Variants in BBS10 observed in about 807,000 individuals in gnomAD.
The protein encoded by BBS10 is BBSome complex assembly protein BBS10.
Under a neutral mutation model 12.7 loss-of-function variants are expected in BBS10, and 13 were observed. That is an observed-to-expected ratio of 1.03 (90% CI 0.67 to 1.63). BBS10 has a LOEUF of 1.63. Ranked by LOEUF, BBS10 falls within the 40% of genes most tolerant of loss-of-function variation. The pLI is 0.00. For missense variants in BBS10, 858 were observed against 858.0 expected, an observed-to-expected ratio of 1.00 and a Z score of 0.00; for synonymous variants, 294 against 304.8, an observed-to-expected ratio of 0.96 and a Z score of 0.37.
rs745374133 is a variant in BBS10 at position 76,347,676 on chromosome 12, T to A, written c.309A>T (p.Arg103Ser). The change falls in exon 2 of 2, where the codon AGA becomes AGT. Residue 103 changes from arginine to serine, a missense_variant. Transcript: ENST00000650064. ...LLRGLHAITD[R>S]EKDPLMCENI... ...TTTCACACATCAAAGGATCCTTTTCTCTGTCTGTGATTGCATGAAGTCCTC... is the reference window on the plus strand; with the variant it reads ...TTTCACACATCAAAGGATCCTTTTCACTGTCTGTGATTGCATGAAGTCCTC... 12 of 1,613,496 alleles carry A rather than the reference T, an allele frequency of 7.4e-6. No individual in the cohort carries two copies. In the South Asian group the frequency reaches 1.2e-4, roughly 16 times the overall value.
In BBS10 at chr12:76,348,046, A is replaced by T. The variant is rs1052435092; in HGVS notation, c.197+116T>A. 61 of 1,225,512 alleles carry T rather than the reference A, an allele frequency of 5.0e-5. 1 individual carries two copies. The highest frequency in any genetic ancestry group is 6.7e-5 in the Non-Finnish European group (59 of 874,624). 75.9% of individuals were successfully genotyped at this position (1,225,512 alleles called of 1,614,324 possible). On this transcript the variant is annotated intron_variant, in intron 1 of 1. Transcript: ENST00000650064. The stretch of plus-strand genomic sequence containing the variant: ...GGCAGGGCTCTAATTCCGAGCATAC[A>T]GCGGTTTCACCCGAGGTCAGTCTTT...
chr12:76,347,010 C>T lies in BBS10; in HGVS notation c.975G>A (p.Val325=), dbSNP rs1951764446. ...AACACTCAACCACTGATATGCCATTCACCCCTGCATAATAACTAACTAAAT... is the reference window on the plus strand; with the variant it reads ...AACACTCAACCACTGATATGCCATTTACCCCTGCATAATAACTAACTAAAT... ...QPDLVSYYAG[V]NGISVVECLS... Residue 325 remains valine, a synonymous_variant, in exon 2 of 2, where the codon GTG becomes GTA. Coordinates refer to ENST00000650064, the MANE Select transcript of BBS10 (RefSeq NM_024685.4). The T allele has an allele frequency of 1.2e-6, 2 of 1,612,340 alleles. No homozygotes were observed. Among genetic ancestry groups the T allele is most frequent in the African/African-American group, 1.3e-5 (1 of 75,042 alleles).
In BBS10 at chr12:76,348,402, G is replaced by A; in HGVS notation, c.-44C>T. ...TTTTGACCAGCTTGCAGAACACCCG[G>A]GCCGACCGAAAACAGGGGTGGGAAC... On this transcript the variant is annotated 5_prime_UTR_variant, in exon 1 of 2. Transcript: ENST00000650064. The A allele has an allele frequency of 2.6e-6, 4 of 1,544,872 alleles. No homozygotes were observed. The highest frequency in any genetic ancestry group is 3.5e-6 in the Non-Finnish European group (4 of 1,147,026).
rs1316090880 is a variant in BBS10, at chr12:76,347,332, A to T, written c.653T>A (p.Phe218Tyr). The T allele has an allele frequency of 6.2e-7, 1 of 1,613,942 alleles. No homozygotes were observed. The highest frequency in any genetic ancestry group is 2.2e-5 in the East Asian group (1 of 44,884). The change falls in exon 2 of 2, where the codon TTT becomes TAT. Residue 218 changes from phenylalanine (F) to tyrosine (Y), a missense_variant. Transcript: ENST00000650064. ...IGVFELVDDH[F>Y]VELNVGVTGL... is the part of the protein sequence containing the mutation. The stretch of plus-strand genomic sequence containing the variant: ...AGTGACACCAACATTCAACTCTACA[A>T]AATGGTCATCCACTAACTCAAATAC...
rs775090151 is a variant in BBS10 at position 76,347,192 on chromosome 12, G to C, written c.793C>G (p.Gln265Glu). 1.9e-6 allele frequency: 3 copies of C among 1,611,138 alleles called. No homozygotes were observed. The South Asian group carries it at 3.3e-5, about 18-fold the overall frequency. Reference protein sequence around the residue: ...MRMVIVTETIQPLFSTSGSEF... With the variant: ...MRMVIVTETIEPLFSTSGSEF... ...GATCCAGAAGTGGAAAAAAGAGGCT[G>C]AATGGTTTCTGTTACTATCACCATT... The change falls in exon 2 of 2, where the codon CAG becomes GAG. Residue 265 changes from glutamine to glutamate, a missense_variant. By Grantham distance (29) the Gln-to-Glu change is conservative. Transcript: ENST00000650064.
Position 76,348,305 on chromosome 12 carries a change from G to T in BBS10, c.54C>A (p.Ala18=), listed in dbSNP as rs772653493. 2 of 1,611,104 alleles carry T rather than the reference G, an allele frequency of 1.2e-6. No homozygotes were observed. Among genetic ancestry groups the T allele is most frequent in the Non-Finnish European group, 1.7e-6 (2 of 1,178,694 alleles). Residue 18 remains alanine, a synonymous_variant, in exon 1 of 2, where the codon GCC becomes GCA. Coordinates refer to ENST00000650064, the MANE Select transcript of BBS10 (RefSeq NM_024685.4). ...AGSVKAALQV[A]EVLEAIVSCC... is the part of the protein sequence containing the mutation. ...AGCTCACGATGGCTTCCAGCACCTC[G>T]GCCACCTGCAACGCCGCCTTCACAG...
chr12:76,347,525 A>T lies in BBS10; in HGVS notation c.460T>A (p.Leu154Met). 6.2e-7 allele frequency: 1 copy of T among 1,613,844 alleles called. No homozygotes were observed. Among genetic ancestry groups the T allele is most frequent in the Non-Finnish European group, 8.5e-7 (1 of 1,180,016 alleles). Reference sequence around the variant, plus strand: ...TCTTTAGCAGACGAAAAGATAGACAAAAAGTGTCTACTTAGGTACTGGTCC... The same window carrying T: ...TCTTTAGCAGACGAAAAGATAGACATAAAGTGTCTACTTAGGTACTGGTCC... The part of the protein sequence containing the change: ...IMDQYLSRHF[L>M]SIFSSAKERT... Residue 154 changes from leucine (L) to methionine (M), a missense_variant, in exon 2 of 2, where the codon TTG (leucine) becomes ATG (methionine). Leu to Met is a conservative substitution (Grantham distance 15, BLOSUM62 2). Coordinates refer to ENST00000650064, the MANE Select transcript of BBS10 (RefSeq NM_024685.4).
chr12:76,344,591 T>A lies in BBS10; in HGVS notation c.*1222A>T, dbSNP rs1387898775. 3 of 152,190 alleles carry A rather than the reference T, an allele frequency of 2.0e-5. No individual in the cohort carries two copies. Among genetic ancestry groups the A allele is most frequent in the Non-Finnish European group, 4.4e-5 (3 of 68,018 alleles). 9.4% of individuals were successfully genotyped at this position (152,190 alleles called of 1,614,324 possible). A position where few individuals can be genotyped will look rare whatever the true frequency, so the allele number is the denominator to read the frequency against. ...AGCATAAATGTTTAAAAAATCAGAATTACATTTAATATAAAAAATTTTGAT... is the reference window on the plus strand; with the variant it reads ...AGCATAAATGTTTAAAAAATCAGAAATACATTTAATATAAAAAATTTTGAT... On this transcript the variant is annotated 3_prime_UTR_variant, in exon 2 of 2. Coordinates refer to ENST00000650064, the MANE Select transcript of BBS10 (RefSeq NM_024685.4).
In BBS10 at chr12:76,344,949, CAG is replaced by C. The variant is rs1434131354; in HGVS notation, c.*862_*863del. On this transcript the variant is annotated 3_prime_UTR_variant, in exon 2 of 2. Coordinates refer to ENST00000650064, the MANE Select transcript of BBS10 (RefSeq NM_024685.4). ...TTAGAAATAAAAATTAAAAATAAAA[CAG>C]AAATAAACATTAGAAATAAAAATTG... 2.0e-5 allele frequency: 3 copies of C among 152,000 alleles called. No homozygotes were observed. The highest frequency in any genetic ancestry group is 4.4e-5 in the Non-Finnish European group (3 of 67,944). 9.4% of individuals were successfully genotyped at this position (152,000 alleles called of 1,614,324 possible).
In BBS10 at chr12:76,346,960, A is replaced by C; in HGVS notation, c.1025T>G (p.Ile342Ser). 2 of 1,611,028 alleles carry C rather than the reference A, an allele frequency of 1.2e-6. No individual in the cohort carries two copies. Among genetic ancestry groups the C allele is most frequent in the Non-Finnish European group, 1.7e-6 (2 of 1,179,998 alleles). Residue 342 changes from isoleucine (I) to serine (S), a missense_variant, in exon 2 of 2, where the codon ATC becomes AGC. Ile to Ser is a moderately radical substitution (Grantham distance 142). Transcript: ENST00000650064. ...TGGAGAAAGACCAATGATCCTCCGG[A>C]TAAGAGAAACTTCTTCTGATGATAA... Reference protein sequence around the residue: ...ECLSSEEVSLIRRIIGLSPFV... With the variant: ...ECLSSEEVSLSRRIIGLSPFV...
chr12:76,347,013 C>T lies in BBS10; in HGVS notation c.972G>A (p.Gly324=). The T allele has an allele frequency of 6.2e-7, 1 of 1,612,356 alleles. No individual in the cohort carries two copies. The highest frequency in any genetic ancestry group is 8.5e-7 in the Non-Finnish European group (1 of 1,179,946). Residue 324 remains glycine, a synonymous_variant, in exon 2 of 2, where the codon GGG becomes GGA. Transcript: ENST00000650064. The part of the protein sequence containing the change: ...KQPDLVSYYA[G]VNGISVVECL... ...ACTCAACCACTGATATGCCATTCAC[C>T]CCTGCATAATAACTAACTAAATCTG...
intron 1 of BBS10, 75 bp downstream of exon 1, chr12:76,348,087 C>T: frequency 6.7e-7 from 1 of 1,502,296 alleles, no homozygotes; most frequent in Non-Finnish European, 9.0e-7. Context: ...TACGCATCGC[C>T]TCAGGATGGG....
Position 76,346,809 on chromosome 12 carries a change from A to AG in BBS10, c.1175_1176insC (p.Ile393TyrfsTer16). The AG allele has an allele frequency of 6.2e-7, 1 of 1,614,162 alleles. No homozygotes were observed. The highest frequency in any genetic ancestry group is 8.5e-7 in the Non-Finnish European group (1 of 1,180,002). On this transcript the variant is annotated frameshift_variant, in exon 2 of 2. Transcript: ENST00000650064. LOFTEE classifies it low-confidence loss of function (END_TRUNC). ...CACAAAGAACTATAGAGTGTGGTAT[A>AG]AATGCACATGTGCTTATCAAGCCTA...
rs746115422 is a variant in BBS10, at chr12:76,346,208, A to T, written c.1777T>A (p.Ser593Thr). 1.2e-6 allele frequency: 2 copies of T among 1,612,126 alleles called. No homozygotes were observed. The highest frequency in any genetic ancestry group is 2.2e-5 in the South Asian group (2 of 90,788). ...GGCAAAACACAACCAGCTGGCATAG[A>T]TGAGGAAAGGTAACTCTGGGAAGTA... is the stretch of plus-strand genomic sequence containing the variant. Reference protein sequence around the residue: ...MGTSQSYLSSSMPAGCVLPVG... With the variant: ...MGTSQSYLSSTMPAGCVLPVG... Residue 593 changes from serine (S) to threonine (T), a missense_variant, in exon 2 of 2, where the codon TCT (serine) becomes ACT (threonine). Physicochemically the swap from Ser to Thr is moderately conservative, Grantham distance 58. Transcript: ENST00000650064.
rs760364553 is a variant in BBS10 at position 76,346,444 on chromosome 12, G to A, written c.1541C>T (p.Thr514Ile). 1.2e-6 allele frequency: 2 copies of A among 1,614,170 alleles called. No individual in the cohort carries two copies. The highest frequency in any genetic ancestry group is 1.7e-5 in the Admixed American group (1 of 60,028). The change falls in exon 2 of 2, where the codon ACA (threonine) becomes ATA (isoleucine). Residue 514 changes from threonine to isoleucine, a missense_variant. Coordinates refer to ENST00000650064, the MANE Select transcript of BBS10 (RefSeq NM_024685.4). ...CGTTTCAACTGTTTGGAATGTATCT[G>A]TTGGTGTCAGTGTGGGGGTTGAATA... The part of the protein sequence containing the change: ...IPYSTPTLTP[T>I]DTFQTVETLT...
rs779691612 is a variant in BBS10, at chr12:76,346,056, G to A, written c.1929C>T (p.Val643=). The change falls in exon 2 of 2, where the codon GTC becomes GTT. Residue 643 remains valine, a synonymous_variant. Coordinates refer to ENST00000650064, the MANE Select transcript of BBS10 (RefSeq NM_024685.4). ...IANALLGIPK[V]LYKSKTGKYS... The stretch of plus-strand genomic sequence containing the variant: ...ACTTTCCTGTTTTAGATTTATAAAG[G>A]ACTTTGGGAATGCCTAAAAGTGCAT... 1.2e-6 allele frequency: 2 copies of A among 1,613,854 alleles called. No homozygotes were observed. Among genetic ancestry groups the A allele is most frequent in the East Asian group, 4.5e-5 (2 of 44,872 alleles).
In BBS10 at chr12:76,346,895, T is replaced by C; in HGVS notation, c.1090A>G (p.Asn364Asp). 6.2e-7 allele frequency: 1 copy of C among 1,613,364 alleles called. No individual in the cohort carries two copies. The highest frequency in any genetic ancestry group is 8.5e-7 in the Non-Finnish European group (1 of 1,180,006). Residue 364 changes from asparagine (N) to aspartate (D), a missense_variant, in exon 2 of 2, where the codon AAC becomes GAC. Asn to Asp is a conservative substitution (Grantham distance 23). Coordinates refer to ENST00000650064, the MANE Select transcript of BBS10 (RefSeq NM_024685.4). ...TTACAAAATTTCACCAAAGCAGTGTTAGGTATTTCACACTGCGAAAAGGCC... is the reference window on the plus strand; with the variant it reads ...TTACAAAATTTCACCAAAGCAGTGTCAGGTATTTCACACTGCGAAAAGGCC... ...PQAFSQCEIPNTALVKFCKPL... is the reference protein window; with the variant it reads ...PQAFSQCEIPDTALVKFCKPL...
In BBS10 at chr12:76,346,137, A is replaced by G; in HGVS notation, c.1848T>C (p.Asn616=). The G allele has an allele frequency of 6.2e-7, 1 of 1,609,532 alleles. No homozygotes were observed. Among genetic ancestry groups the G allele is most frequent in the Non-Finnish European group, 8.5e-7 (1 of 1,178,656 alleles). The change falls in exon 2 of 2, where the codon AAT becomes AAC. Residue 616 remains asparagine, a synonymous_variant. Coordinates refer to ENST00000650064, the MANE Select transcript of BBS10 (RefSeq NM_024685.4). ...CTGATTGATGGCATTTTTTGGCATAATTGAGAAGATAGTAATGTAACAAGA... is the reference window on the plus strand; with the variant it reads ...CTGATTGATGGCATTTTTTGGCATAGTTGAGAAGATAGTAATGTAACAAGA... ...FEILLHYYLL[N]YAKKCHQSEE... is the part of the protein sequence containing the mutation.
chr12:76,346,158 C>T lies in BBS10; in HGVS notation c.1827G>A (p.Leu609=), dbSNP rs376793096. 1.2e-6 allele frequency: 2 copies of T among 1,610,274 alleles called. No individual in the cohort carries two copies. The highest frequency in any genetic ancestry group is 1.3e-5 in the African/African-American group (1 of 74,824). Residue 609 remains leucine, a synonymous_variant, in exon 2 of 2, where the codon TTG becomes TTA. Transcript: ENST00000650064. ...VLPVGGNFEI[L]LHYYLLNYAK... ...CATAATTGAGAAGATAGTAATGTAA[C>T]AAGATCTCAAAATTACCACCTACTG... is the stretch of plus-strand genomic sequence containing the variant.
Sources: gnomAD v4.1 joint callset for allele counts on GRCh38, gnomAD v4.1.1 for gene constraint, MANE v1.5 for transcripts, NCBI Gene and HGNC (gene_info 2026-07-23, HGNC 2026-07-21) for gene names.